The following PTPRD variants were observed in gnomAD, a reference collection of about 807,000 sequenced individuals.
The protein encoded by PTPRD is protein tyrosine phosphatase receptor type D.
PTPRD carries 34 observed loss-of-function variants against 214.5 expected under a neutral mutation model. The observed-to-expected ratio is 0.16, with a 90% confidence interval of 0.12 to 0.21. The LOEUF (loss-of-function observed/expected upper bound fraction) is 0.21. Among genes scored for constraint, PTPRD ranks in the 10% least tolerant of loss-of-function variants. The pLI is 1.00. For synonymous variants in PTPRD, 1,128 were observed against 845.7 expected (o/e 1.33, Z -5.79); for missense variants, 2,545 against 2,398.7 (o/e 1.06, Z -1.27).
chr9:10,414,312 C>T (rs1187041002), intron 2 of PTPRD, among the ~76,000 whole-genome samples: 4 of 151,906 alleles, frequency 2.6e-5, no homozygotes, highest in South Asian at 4.1e-4. Flanking sequence ...AGAAGACATA[C>T]ATGAGGCCAA....
intron 3 of PTPRD, among the ~76,000 whole-genome samples, chr9:10,149,824 G>A (rs902091456): frequency 6.6e-6 from 1 of 151,004 alleles, no homozygotes; most frequent in Non-Finnish European, 1.5e-5. Context: ...TTTGCCTCCC[G>A]GGTTCAAGCA....
chr9:9,455,543 A>T (rs1588914287), intron 8 of PTPRD, among the ~76,000 whole-genome samples: 1 of 151,770 alleles, frequency 6.6e-6, no homozygotes, highest in East Asian at 1.9e-4. Flanking sequence ...TTACTTTTAC[A>T]AGGCCCCCAA....
At chr9:9,674,624 A>T (rs188570066) in intron 7 of PTPRD, among the ~76,000 whole-genome samples, 1 of 151,928 alleles carries the variant, frequency 6.6e-6, no homozygotes, top group East Asian at 1.9e-4. Context: ...AAAATAAACA[A>T]GCCAAATACA....
chr9:10,152,192 A>G (rs1392330776), intron 3 of PTPRD, among the ~76,000 whole-genome samples: 2 of 152,200 alleles, frequency 1.3e-5, no homozygotes, highest in Non-Finnish European at 2.9e-5. Context: ...ATCATTTAGC[A>G]TAAGTGTTTT....
At chr9:10,259,811 G>A (rs535417825) in intron 3 of PTPRD, among the ~76,000 whole-genome samples, 36 of 152,246 alleles carry the variant, frequency 2.4e-4, no homozygotes, top group African/African-American at 8.2e-4. Flanking sequence ...CACACACTCA[G>A]GTCTTGATTT....
At chr9:10,579,459 T>C (rs1472690375) in intron 2 of PTPRD, among the ~76,000 whole-genome samples, 1 of 152,198 alleles carries the variant, frequency 6.6e-6, no homozygotes, top group African/African-American at 2.4e-5. Flanking sequence ...TTCTTTTTTA[T>C]GGCTGCATAG....
rs978607191 is a variant in PTPRD, at chr9:9,029,294, G to A, written c.-142-10559C>T. 3.3e-5 allele frequency among the ~76,000 whole-genome samples: 5 copies of A among 151,904 alleles called. 1 individual carries two copies. The Middle Eastern group carries it at 0.01, about 310-fold the overall frequency. ...GCTATTGAGTAACTGTTGGAAGGTT[G>A]AGATTATTAAATACGTATTTTTAAG... On this transcript the variant is annotated intron_variant, in intron 10 of 45. Coordinates refer to ENST00000381196, the MANE Select transcript of PTPRD (RefSeq NM_002839.4).
At position 8,623,904 on chromosome 9, in the gene PTPRD, C is replaced by T. The variant is rs571458723; in HGVS notation, c.352+9413G>A. Among the ~76,000 whole-genome samples the T allele has an allele frequency of 3.3e-5, 5 of 151,940 alleles. No homozygotes were observed. In the South Asian group the frequency reaches 1.0e-3, roughly 32 times the overall value. ...GAAATAATCAAAAAAACAAAACAAACGAATAAACGAAAAAGCAAGAAAATG... is the reference window on the plus strand; with the variant it reads ...GAAATAATCAAAAAAACAAAACAAATGAATAAACGAAAAAGCAAGAAAATG... On this transcript the variant is annotated intron_variant, in intron 14 of 45. Transcript: ENST00000381196.
chr9:9,056,972 T>C (rs1404260872), intron 10 of PTPRD, among the ~76,000 whole-genome samples: 3 of 152,218 alleles, frequency 2.0e-5, no homozygotes, highest in Non-Finnish European at 4.4e-5. Flanking sequence ...TTGATGATCT[T>C]GCTAGATCAT....
chr9:10,273,778 G>C (rs190078246), intron 3 of PTPRD, among the ~76,000 whole-genome samples: 1 of 152,110 alleles, frequency 6.6e-6, no homozygotes, highest in African/African-American at 2.4e-5. Flanking sequence ...TGTAGACTAT[G>C]GTTATCAGGT....
intron 28 of PTPRD, 74 bp from the exon 29 acceptor site, chr9:8,485,398 T>C (rs777669335): frequency 1.1e-5 from 11 of 993,584 alleles, no homozygotes; most frequent in Middle Eastern, 2.1e-4. Context: ...CCATGGACCA[T>C]AGGGGCTTAT....
At chr9:8,330,545 AGGATGTTTAAT>A (rs1839221396) in intron 44 of PTPRD, among the ~76,000 whole-genome samples, 2 of 135,292 alleles carry the variant, frequency 1.5e-5, no homozygotes, top group Admixed American at 7.4e-5. Context: ...TGGTTTGCAA[AGGATGTTTAAT>A]AACTCAATAG....
intron 10 of PTPRD, among the ~76,000 whole-genome samples, chr9:9,138,256 C>A (rs780158465): frequency 4.6e-5 from 7 of 151,984 alleles, no homozygotes; most frequent in Non-Finnish European, 8.8e-5. Flanking sequence ...TCTGCATCAG[C>A]TTTATCATCT....
Position 9,283,825 on chromosome 9 carries a change from C to A in PTPRD, c.-202-100462G>T, listed in dbSNP as rs190350021. On this transcript the variant is annotated intron_variant, in intron 9 of 45. Coordinates refer to ENST00000381196, the MANE Select transcript of PTPRD (RefSeq NM_002839.4). ...TATATTGACCCTGTGTGATAAATAG[C>A]CCAAACTGAATAATTCTGAGTACCT... 1.3e-4 allele frequency among the ~76,000 whole-genome samples: 20 copies of A among 151,722 alleles called. No individual in the cohort carries two copies. The East Asian group carries it at 3.5e-3, about 27-fold the overall frequency.
At chr9:9,560,080 C>G (rs932239315) in intron 8 of PTPRD, among the ~76,000 whole-genome samples, 2 of 152,226 alleles carry the variant, frequency 1.3e-5, no homozygotes, top group African/African-American at 2.4e-5. Context: ...CTTCCACCAA[C>G]CACAGCAGGT....
chr9:8,448,526 G>A (rs927259601), intron 34 of PTPRD, among the ~76,000 whole-genome samples: 1 of 152,122 alleles, frequency 6.6e-6, no homozygotes, highest in Non-Finnish European at 1.5e-5. Context: ...ACCTATCCTG[G>A]AAGATGACAC....
At chr9:9,327,788 T>C (rs1404453464) in intron 9 of PTPRD, among the ~76,000 whole-genome samples, 1 of 152,056 alleles carries the variant, frequency 6.6e-6, no homozygotes, top group African/African-American at 2.4e-5. Context: ...GCATAAAATG[T>C]ATGATAGCAT....
Position 8,647,646 on chromosome 9 carries a change from A to C in PTPRD, c.65-10802T>G, listed in dbSNP as rs184389163. ...ATTCCTATATGTGAATTACTCCTAC[A>C]TGTAAAATTACTGAATTCAAAAAAG... On this transcript the variant is annotated intron_variant, in intron 12 of 45. Transcript: ENST00000381196. Among the ~76,000 whole-genome samples the C allele has an allele frequency of 1.9e-3, 290 of 152,316 alleles. 3 individuals are homozygous for C. The highest frequency in any genetic ancestry group is 6.6e-3 in the African/African-American group (275 of 41,578).
intron 5 of PTPRD, among the ~76,000 whole-genome samples, chr9:9,822,143 T>G (rs930870128): frequency 3.3e-5 from 5 of 151,070 alleles, no homozygotes; most frequent in African/African-American, 1.2e-4. Context: ...CTGGATGTGG[T>G]GGCTCACTCC....
Sources: gnomAD v4.1 joint callset for allele counts (sites outside exome capture counted in the v4.1 genomes callset) on GRCh38, gnomAD v4.1.1 for gene constraint, MANE v1.5 for transcripts, NCBI Gene and HGNC (gene_info 2026-07-23, HGNC 2026-07-21) for gene names.